DGKD: variants seen among roughly 807,000 people sequenced by gnomAD.
DGKD encodes the protein DAG kinase delta.
A neutral mutation model predicts 154.4 loss-of-function variants in DGKD; 68 were observed. The ratio of observed to expected loss-of-function variants is 0.44; its 90% CI spans 0.36 to 0.54. The LOEUF is 0.54. Ranked by LOEUF, DGKD falls within the 20% of genes least tolerant of loss-of-function variation. DGKD has a pLI of 0.00. For synonymous variants in DGKD, 693 were observed against 638.0 expected (o/e 1.09, Z -1.30); for missense variants, 1,343 against 1,593.6 (o/e 0.84, Z 2.68).
rs1054510544 is a variant in DGKD, at chr2:233,408,297, C to A, written c.348+17814C>A. Among the ~76,000 whole-genome samples the A allele has an allele frequency of 1.6e-4, 25 of 152,218 alleles. 1 individual carries two copies. Among genetic ancestry groups the A allele is most frequent in the Non-Finnish European group, 2.9e-5 (2 of 68,040 alleles). ...CCTCAGGTGATCCACCCATCTCGGC[C>A]TCATGGGATTACAGGCGTGAGCCAC... On this transcript the variant is annotated intron_variant, in intron 3 of 29. Transcript: ENST00000264057.
intron 3 of DGKD, among the ~76,000 whole-genome samples, chr2:233,400,437 A>ACTGCCCT (rs2061531803): frequency 1.3e-5 from 2 of 152,134 alleles, no homozygotes; most frequent in Non-Finnish European, 2.9e-5. Flanking sequence ...CCCAGTGCCC[A>ACTGCCCT]CTGCCCTGTC....
chr2:233,383,516 TA>T (rs1236585156), intron 1 of DGKD, among the ~76,000 whole-genome samples: 4 of 152,208 alleles, frequency 2.6e-5, no homozygotes, highest in African/African-American at 4.8e-5. Context: ...TTATATCTAA[TA>T]TTTTTTTCTA....
chr2:233,449,047 C>T lies in DGKD; in HGVS notation c.1615-56C>T. On this transcript the variant is annotated intron_variant, in intron 14 of 29. Coordinates refer to ENST00000264057, the MANE Select transcript of DGKD (RefSeq NM_152879.3). This position sits in a 1 kb window ranked among gnomAD's most constrained non-coding sequence, Gnocchi z 5.3. ...GGTGAAATGGCCTGAGGTTCCCTGC[C>T]TGCAGACCCTGTTCTCCTGCCTCAG... 2.0e-6 allele frequency: 3 copies of T among 1,526,836 alleles called. No individual in the cohort carries two copies. In the South Asian group the frequency reaches 3.7e-5, roughly 19 times the overall value. 94.6% of individuals were successfully genotyped at this position (1,526,836 alleles called of 1,614,324 possible). A position where few individuals can be genotyped will look rare whatever the true frequency, so the allele number is the denominator to read the frequency against.
At chr2:233,399,522 C>G (rs768882219) in intron 3 of DGKD, among the ~76,000 whole-genome samples, 3 of 152,116 alleles carry the variant, frequency 2.0e-5, no homozygotes, top group Non-Finnish European at 4.4e-5. Flanking sequence ...GGTTCCCTGC[C>G]TGTGGTGGGG....
At chr2:233,362,646 T>G (rs915403358) in intron 1 of DGKD, among the ~76,000 whole-genome samples, 3 of 152,134 alleles carry the variant, frequency 2.0e-5, no homozygotes, top group African/African-American at 7.2e-5. Context: ...AGCGAAACTC[T>G]GTATTAAATA....
intron 3 of DGKD, among the ~76,000 whole-genome samples, chr2:233,404,237 G>A (rs377288174): frequency 9.2e-5 from 14 of 152,254 alleles, no homozygotes; most frequent in African/African-American, 3.1e-4. Flanking sequence ...ATTTCATTGT[G>A]TAGATGTGTC....
At chr2:233,417,528 G>A (rs2125534245) in intron 3 of DGKD, among the ~76,000 whole-genome samples, 1 of 152,222 alleles carries the variant, frequency 6.6e-6, no homozygotes, top group East Asian at 1.9e-4. Flanking sequence ...GTGCCCTTTT[G>A]TAGAGTATGA....
intron 24 of DGKD, among the ~76,000 whole-genome samples, chr2:233,461,581 CTTCAG>C (rs2063646889): frequency 6.6e-6 from 1 of 152,248 alleles, no homozygotes; most frequent in Admixed American, 6.5e-5. Context: ...GGCTGGAGGA[CTTCAG>C]TTCAGCTAAT....
At chr2:233,398,785 C>T (rs796876972) in intron 3 of DGKD, among the ~76,000 whole-genome samples, 9 of 152,110 alleles carry the variant, frequency 5.9e-5, no homozygotes, top group Admixed American at 2.6e-4. Flanking sequence ...CCACCACACC[C>T]GGCTAATTTT....
chr2:233,364,056 C>T (rs969512027), intron 1 of DGKD, among the ~76,000 whole-genome samples: 5 of 152,202 alleles, frequency 3.3e-5, no homozygotes, highest in Non-Finnish European at 7.3e-5. Context: ...CACCACTGCA[C>T]TCCAGCCTGG....
chr2:233,427,173 A>G (rs1008425174), intron 3 of DGKD, among the ~76,000 whole-genome samples: 4 of 151,726 alleles, frequency 2.6e-5, no homozygotes, highest in Admixed American at 6.6e-5. Flanking sequence ...CCAGTCATCA[A>G]GCATCAAGAT....
rs200521861 is a variant in DGKD, at chr2:233,369,699, C to G, written c.156+15025C>G. On this transcript the variant is annotated intron_variant, in intron 1 of 29. Transcript: ENST00000264057. The stretch of plus-strand genomic sequence containing the variant: ...TTGGCTGGGCACAATCTGGGGCTGG[C>G]CGTGGGGTGATCGGCCACGGGCCCA... Among the ~76,000 whole-genome samples the G allele has an allele frequency of 5.9e-5, 9 of 152,298 alleles. No homozygotes were observed. The East Asian group carries it at 1.5e-3, about 26-fold the overall frequency.
chr2:233,455,023 A>T, intron 19 of DGKD, 150 bp downstream of exon 19: 1 of 576,090 alleles, frequency 1.7e-6, no homozygotes, highest in Non-Finnish European at 3.1e-6. Flanking sequence ...CCTTGTCAGA[A>T]GCACGGGTGC....
At position 233,440,475 on chromosome 2, in the gene DGKD, A is replaced by G. The variant is rs2062849510; in HGVS notation, c.1086-1412A>G. On this transcript the variant is annotated intron_variant, in intron 9 of 29. Transcript: ENST00000264057. This position sits in a 1 kb window ranked among gnomAD's most constrained non-coding sequence, Gnocchi z 4.9. Reference sequence around the variant, plus strand: ...CCCCCGGCACTTCAGTGGGGGTGACACAGCTTCTCTGGGAACCCGGTGGGG... The same window carrying G: ...CCCCCGGCACTTCAGTGGGGGTGACGCAGCTTCTCTGGGAACCCGGTGGGG... 6.6e-6 allele frequency among the ~76,000 whole-genome samples: 1 copy of G among 152,186 alleles called. No individual in the cohort carries two copies.
In DGKD at chr2:233,428,437, G is replaced by C. The variant is rs539430872; in HGVS notation, c.349-5943G>C. ...TTAAGAAAGATGCTCACATGGGAAA[G>C]GGGTCTCAGCAGTGTCAAATGATGA... On this transcript the variant is annotated intron_variant, in intron 3 of 29. Transcript: ENST00000264057. Among the ~76,000 whole-genome samples the C allele has an allele frequency of 5.3e-5, 8 of 152,312 alleles. No homozygotes were observed. In the East Asian group the frequency reaches 1.3e-3, roughly 26 times the overall value.
chr2:233,457,050 G>A lies in DGKD; in HGVS notation c.2472+55G>A. 1.4e-6 allele frequency: 2 copies of A among 1,461,738 alleles called. No individual in the cohort carries two copies. Among genetic ancestry groups the A allele is most frequent in the Non-Finnish European group, 1.9e-6 (2 of 1,041,804 alleles). 90.5% of individuals were successfully genotyped at this position (1,461,738 alleles called of 1,614,324 possible). A position where few individuals can be genotyped will look rare whatever the true frequency, so the allele number is the denominator to read the frequency against. On this transcript the variant is annotated intron_variant, in intron 20 of 29. Coordinates refer to ENST00000264057, the MANE Select transcript of DGKD (RefSeq NM_152879.3). The surrounding 1 kb of genome is among the most constrained non-coding windows in gnomAD (Gnocchi z 5.5). The stretch of plus-strand genomic sequence containing the variant: ...GCTGGCCTCCATCCATCAGCAGACT[G>A]CCAGGCCTATTGCTTCTCCTGTTGA...
chr2:233,357,973 T>C (rs1156839210), intron 1 of DGKD, among the ~76,000 whole-genome samples: 1 of 152,246 alleles, frequency 6.6e-6, no homozygotes, highest in East Asian at 1.9e-4. Context: ...AGGTTATAGA[T>C]CTTTAGCATA....
intron 3 of DGKD, among the ~76,000 whole-genome samples, chr2:233,400,804 A>G (rs2061540706): frequency 6.6e-6 from 1 of 152,134 alleles, no homozygotes; most frequent in African/African-American, 2.4e-5. Context: ...ACTGCCCAGG[A>G]GGCCCGTGGA....
chr2:233,443,205 G>C (rs1476115805), intron 10 of DGKD, among the ~76,000 whole-genome samples: 1 of 152,150 alleles, frequency 6.6e-6, no homozygotes, highest in Non-Finnish European at 1.5e-5. Flanking sequence ...TTTAGTTTTT[G>C]TCCAGCTAAG....
Sources: allele counts gnomAD v4.1 joint callset (sites outside exome capture counted in the v4.1 genomes callset), GRCh38; gene constraint gnomAD v4.1.1; non-coding constraint Gnocchi (gnomAD v3.1); transcripts MANE v1.5; gene names NCBI Gene and HGNC (gene_info 2026-07-23, HGNC 2026-07-21).